The following TESK2 variants were observed in gnomAD, a reference collection of about 807,000 sequenced individuals.
TESK2 encodes the protein dual specificity testis-specific protein kinase 2.
In TESK2, 39 loss-of-function variants were observed where a neutral mutation model predicts 57.1. The observed-to-expected ratio is 0.68, with a 90% CI of 0.53 to 0.89. The LOEUF (loss-of-function observed/expected upper bound fraction) is 0.89, where lower values mean the gene tolerates loss of function less well. TESK2 is among the 40% of genes least tolerant of loss of function. TESK2 has a pLI of 0.00. For synonymous variants in TESK2, 249 were observed against 267.9 expected (o/e 0.93, Z 0.69); for missense variants, 646 against 732.1 (o/e 0.88, Z 1.36).
chr1:45,421,911 T>G, intron 2 of TESK2, 65 bp from the exon 3 acceptor site: 1 of 1,556,402 alleles, frequency 6.4e-7, no homozygotes, highest in Admixed American at 1.8e-5. Flanking sequence ...GGTCAACATC[T>G]CCAAATGTAC....
At chr1:45,409,225 G>A (rs995832096) in intron 3 of TESK2, among the ~76,000 whole-genome samples, 17 of 152,166 alleles carry the variant, frequency 1.1e-4, no homozygotes, top group African/African-American at 4.1e-4. Context: ...GTTCTTTTCA[G>A]AAGTAATGAG....
intron 2 of TESK2, among the ~76,000 whole-genome samples, chr1:45,454,997 C>T (rs1652016671): frequency 6.6e-6 from 1 of 151,874 alleles, no homozygotes; most frequent in Non-Finnish European, 1.5e-5. Flanking sequence ...GTGAAACTGC[C>T]CCCACAGGGT....
chr1:45,466,050 T>A (rs1652537788), intron 1 of TESK2, among the ~76,000 whole-genome samples: 1 of 152,076 alleles, frequency 6.6e-6, no homozygotes, highest in Non-Finnish European at 1.5e-5. Flanking sequence ...ATACACAAAA[T>A]AATATATACT....
intron 2 of TESK2, among the ~76,000 whole-genome samples, chr1:45,453,131 G>A (rs1225285221): frequency 2.0e-5 from 3 of 151,614 alleles, no homozygotes; most frequent in Non-Finnish European, 4.4e-5. Context: ...CTGATCACCT[G>A]AGCCCAGGAG....
chr1:45,368,921 G>T (rs774784388), intron 4 of TESK2, among the ~76,000 whole-genome samples: 1 of 150,052 alleles, frequency 6.7e-6, no homozygotes, highest in Non-Finnish European at 1.5e-5. Flanking sequence ...GCTAATTTTT[G>T]TGTGTGTGTT....
At chr1:45,473,798 T>C (rs1487991425) in intron 1 of TESK2, among the ~76,000 whole-genome samples, 1 of 86,456 alleles carries the variant, frequency 1.2e-5, no homozygotes, top group Non-Finnish European at 3.0e-5. Context: ...CAATTAGGGA[T>C]TTTTTTTTTT....
At chr1:45,361,940 C>T (rs1647706177) in intron 4 of TESK2, among the ~76,000 whole-genome samples, 1 of 152,102 alleles carries the variant, frequency 6.6e-6, no homozygotes, top group Non-Finnish European at 1.5e-5. Context: ...GAGCTCAAGA[C>T]CAGCCTGGGC....
intron 1 of TESK2, among the ~76,000 whole-genome samples, chr1:45,467,627 G>GA (rs1162836173): frequency 2.3e-5 from 3 of 129,942 alleles, no homozygotes. Flanking sequence ...ACTGTGCTCG[G>GA]CCTTCACAGT....
chr1:45,366,539 T>C (rs1647926937), intron 4 of TESK2, among the ~76,000 whole-genome samples: 1 of 151,946 alleles, frequency 6.6e-6, no homozygotes, highest in African/African-American at 2.4e-5. Flanking sequence ...TCGAGCCCAT[T>C]CTTGGTGCCA....
At chr1:45,482,442 G>A (rs1653265761) in intron 1 of TESK2, among the ~76,000 whole-genome samples, 1 of 151,860 alleles carries the variant, frequency 6.6e-6, no homozygotes, top group African/African-American at 2.4e-5. Flanking sequence ...ATGGGAGGAT[G>A]GCTTGAGCCT....
At chr1:45,486,845 G>A (rs1369974215) in intron 1 of TESK2, among the ~76,000 whole-genome samples, 2 of 92,760 alleles carry the variant, frequency 2.2e-5, no homozygotes, top group African/African-American at 9.5e-5. Flanking sequence ...TTTTTGAGAC[G>A]GACTTTCGCT....
At chr1:45,390,921 CTT>C (rs776953314) in intron 3 of TESK2, among the ~76,000 whole-genome samples, 18 of 129,016 alleles carry the variant, frequency 1.4e-4, no homozygotes, top group Admixed American at 2.4e-4. Context: ...AGCTACATTT[CTT>C]TTTTTTTTTT....
intron 3 of TESK2, chr1:45,415,242 G>A: frequency 2.1e-6 from 3 of 1,451,028 alleles, no homozygotes; most frequent in Non-Finnish European, 2.9e-6. Context: ...TCTTTGGCAA[G>A]GTGAAAGAAG....
chr1:45,416,405 C>T (rs1650244188), intron 3 of TESK2, among the ~76,000 whole-genome samples: 1 of 152,034 alleles, frequency 6.6e-6, no homozygotes, highest in Admixed American at 6.6e-5. Flanking sequence ...TCCCAAAGTG[C>T]TGGGATTACA....
At chr1:45,407,406 A>C (rs931814926) in intron 3 of TESK2, among the ~76,000 whole-genome samples, 1 of 152,156 alleles carries the variant, frequency 6.6e-6, no homozygotes, top group Non-Finnish European at 1.5e-5. Context: ...GAGGCCAAGT[A>C]CTATATTATG....
chr1:45,357,369 T>A (rs2149265838), intron 4 of TESK2, among the ~76,000 whole-genome samples: 1 of 151,962 alleles, frequency 6.6e-6, no homozygotes. Flanking sequence ...TTGAAAGGTA[T>A]CCACTGAATT....
chr1:45,417,627 T>C (rs1450826993), intron 3 of TESK2, among the ~76,000 whole-genome samples: 1 of 152,104 alleles, frequency 6.6e-6, no homozygotes, highest in African/African-American at 2.4e-5. Flanking sequence ...AGTCTCGCTC[T>C]GTCGCCTGGG....
intron 2 of TESK2, among the ~76,000 whole-genome samples, chr1:45,427,368 A>G (rs2149288920): frequency 6.6e-6 from 1 of 152,352 alleles, no homozygotes; most frequent in East Asian, 1.9e-4. Context: ...TCAAAAAACT[A>G]AGAATAGAGC....
intron 4 of TESK2, among the ~76,000 whole-genome samples, chr1:45,367,936 G>T (rs1292448294): frequency 6.6e-6 from 1 of 151,354 alleles, no homozygotes; most frequent in East Asian, 1.9e-4. Flanking sequence ...TGGGATTACA[G>T]GCGTAAGCCA....
Sources: gnomAD v4.1 joint callset for allele counts (sites outside exome capture counted in the v4.1 genomes callset) on GRCh38, gnomAD v4.1.1 for gene constraint, MANE v1.5 for transcripts, NCBI Gene and HGNC (gene_info 2026-07-23, HGNC 2026-07-21) for gene names.